The following CACNA1A variants were observed in gnomAD, a reference collection of about 807,000 sequenced individuals.
CACNA1A encodes calcium voltage-gated channel subunit alpha1 A.
CACNA1A carries 57 observed loss-of-function variants against 262.4 expected under a neutral mutation model. The observed-to-expected ratio is 0.22, with a 90% CI of 0.18 to 0.27. The LOEUF is 0.27. Ranked by LOEUF, CACNA1A falls within the 10% of genes least tolerant of loss-of-function variation. The pLI, the probability that CACNA1A is intolerant of heterozygous loss-of-function variation, is 1.00. For synonymous variants in CACNA1A, 1,431 were observed against 1,419.3 expected (o/e 1.01, Z -0.18); for missense variants, 2,526 against 3,562.8 (o/e 0.71, Z 7.41).
intron 1 of CACNA1A, among the ~76,000 whole-genome samples, chr19:13,480,685 A>G (rs1011977864): frequency 1.5e-4 from 23 of 152,192 alleles, no homozygotes; most frequent in African/African-American, 4.8e-4. Flanking sequence ...TTTCTAAAAA[A>G]TAGAGAAAAA....
chr19:13,241,420 C>T lies in CACNA1A; in HGVS notation c.4950+3762G>A. On this transcript the variant is annotated intron_variant, in intron 31 of 46. Coordinates refer to ENST00000360228, the MANE Select transcript of CACNA1A (RefSeq NM_001127222.2). The surrounding 1 kb of genome is among the most constrained non-coding windows in gnomAD (Gnocchi z 4.0). ...GAGGGTTGAGGAGAGCGTCAGGCAT[C>T]CCACGTTGGAGAGGCAGGGTGTGGC... 1.3e-6 allele frequency: 1 copy of T among 792,010 alleles called. No individual in the cohort carries two copies. The highest frequency in any genetic ancestry group is 1.5e-5 in the South Asian group (1 of 68,878). The allele number at this position is 792,010 out of a possible 1,614,324, so 49.1% of individuals were successfully genotyped here. A position where few individuals can be genotyped will look rare whatever the true frequency, so the allele number is the denominator to read the frequency against.
chr19:13,319,681 G>A (rs1219247607), intron 10 of CACNA1A, among the ~76,000 whole-genome samples: 1 of 152,178 alleles, frequency 6.6e-6, no homozygotes, highest in African/African-American at 2.4e-5. Context: ...TTTAAAAACT[G>A]GGAGATTTTC....
intron 10 of CACNA1A, among the ~76,000 whole-genome samples, chr19:13,320,353 C>A (rs2058228664): frequency 6.6e-6 from 1 of 152,162 alleles, no homozygotes; most frequent in South Asian, 2.1e-4. Flanking sequence ...CACCAACCAG[C>A]AGATGACCTT....
Position 13,227,553 on chromosome 19 carries a change from C to A in CACNA1A, c.5529-26G>T, listed in dbSNP as rs57849563. On this transcript the variant is annotated intron_variant, in intron 36 of 46. Coordinates refer to ENST00000360228, the MANE Select transcript of CACNA1A (RefSeq NM_001127222.2). The stretch of plus-strand genomic sequence containing the variant: ...CTGGCAGCACCGAAAATGAAAAAAA[C>A]AAAAACAAAAACAAAAAAACAAAAC... The A allele has an allele frequency of 3.5e-5, 47 of 1,342,526 alleles. No homozygotes were observed. In the East Asian group the frequency reaches 5.9e-4, roughly 17 times the overall value. 83.2% of individuals were successfully genotyped at this position (1,342,526 alleles called of 1,614,324 possible).
chr19:13,234,850 G>A, intron 34 of CACNA1A, 71 bp downstream of exon 34: 1 of 1,030,934 alleles, frequency 9.7e-7, no homozygotes, highest in Non-Finnish European at 1.5e-6. Context: ...CATCCTCTAT[G>A]GGAACAGAAG....
At chr19:13,249,956 G>A (rs1244765300) in intron 30 of CACNA1A, among the ~76,000 whole-genome samples, 1 of 152,150 alleles carries the variant, frequency 6.6e-6, no homozygotes. Context: ...GTGGTCAAGA[G>A]AACAGATGTC....
chr19:13,211,328 C>T (rs1203152866), intron 43 of CACNA1A: 1 of 154,036 alleles, frequency 6.5e-6, no homozygotes, highest in Non-Finnish European at 1.4e-5. Flanking sequence ...GCATGGGCCC[C>T]CGCTGTTCAG....
intron 19 of CACNA1A, among the ~76,000 whole-genome samples, chr19:13,289,225 G>A (rs1028384888): frequency 4.8e-5 from 7 of 146,734 alleles, no homozygotes; most frequent in African/African-American, 1.5e-4. Flanking sequence ...CACTGTAATC[G>A]CCACCTCCCA....
In CACNA1A at chr19:13,214,748, T is replaced by C; in HGVS notation, c.5732-140A>G. 1 of 681,376 alleles carries C rather than the reference T, an allele frequency of 1.5e-6. No individual in the cohort carries two copies. Among genetic ancestry groups the C allele is most frequent in the African/African-American group, 1.8e-5 (1 of 56,270 alleles). The allele number at this position is 681,376 out of a possible 1,614,324, so 42.2% of individuals were successfully genotyped here. A position where few individuals can be genotyped will look rare whatever the true frequency, so the allele number is the denominator to read the frequency against. On this transcript the variant is annotated intron_variant, in intron 38 of 46. Coordinates refer to ENST00000360228, the MANE Select transcript of CACNA1A (RefSeq NM_001127222.2). The surrounding 1 kb of genome is among the most constrained non-coding windows in gnomAD (Gnocchi z 4.1). The stretch of plus-strand genomic sequence containing the variant: ...TGGGGTCTCCAGTTCCCCAACGGCC[T>C]GGCCCAGAGGAGGCCCTGGGCAGTG...
At position 13,299,125 on chromosome 19, in the gene CACNA1A, G is replaced by A. The variant is rs760944008; in HGVS notation, c.2508C>T (p.Asn836=). 1 of 1,613,100 alleles carries A rather than the reference G, an allele frequency of 6.2e-7. No homozygotes were observed. Among genetic ancestry groups the A allele is most frequent in the Non-Finnish European group, 8.5e-7 (1 of 1,179,796 alleles). The change falls in exon 19 of 47, where the codon AAC becomes AAT. Residue 836 remains asparagine (N), a synonymous_variant. Transcript: ENST00000360228. ...CGGTGGGCTCGGCCGCCCGGCTCTT[G>A]TTGGTGTTGTTGTTGCGGTTCTCCT... ...DPQENRNNNT[N]KSRAAEPTVD... is the part of the protein sequence containing the mutation.
chr19:13,243,292 A>T lies in CACNA1A; in HGVS notation c.4950+1890T>A, dbSNP rs142375902. ...GAGGGGAAGGGGAAAATTCTGGCTCACTGGAGCTGAAGGCAAATAAGTGTG... is the reference window on the plus strand; with the variant it reads ...GAGGGGAAGGGGAAAATTCTGGCTCTCTGGAGCTGAAGGCAAATAAGTGTG... On this transcript the variant is annotated intron_variant, in intron 31 of 46. Transcript: ENST00000360228. Among the ~76,000 whole-genome samples, 729 of 152,314 alleles carry T rather than the reference A, an allele frequency of 4.8e-3. 6 individuals are homozygous for T. Among genetic ancestry groups the T allele is most frequent in the African/African-American group, 0.017 (689 of 41,566 alleles).
chr19:13,367,761 G>T (rs1025936656), intron 4 of CACNA1A, among the ~76,000 whole-genome samples: 1 of 151,972 alleles, frequency 6.6e-6, no homozygotes. Flanking sequence ...GTCCCCGAAG[G>T]GACACAGTGG....
chr19:13,443,791 C>G (rs2060765089), intron 3 of CACNA1A, among the ~76,000 whole-genome samples: 1 of 152,092 alleles, frequency 6.6e-6, no homozygotes, highest in South Asian at 2.1e-4. Context: ...CAGTATTATT[C>G]TAGGTTTAGA....
At chr19:13,479,557 A>T (rs1979001017) in intron 1 of CACNA1A, among the ~76,000 whole-genome samples, 1 of 152,240 alleles carries the variant, frequency 6.6e-6, no homozygotes, top group South Asian at 2.1e-4. Flanking sequence ...AGGCAGAGAA[A>T]ATCAGCAATG....
In CACNA1A at chr19:13,474,238, T is replaced by C. The variant is rs1341842623; in HGVS notation, c.294-19026A>G. Among the ~76,000 whole-genome samples, 3 of 152,160 alleles carry C rather than the reference T, an allele frequency of 2.0e-5. No individual in the cohort carries two copies. The East Asian group carries it at 5.8e-4, about 29-fold the overall frequency. On this transcript the variant is annotated intron_variant, in intron 1 of 46. Coordinates refer to ENST00000360228, the MANE Select transcript of CACNA1A (RefSeq NM_001127222.2). ...CTTCACTGACCCCGACTGAATCTCTTACAACCATGAAGACAGATTTACAGT... is the reference window on the plus strand; with the variant it reads ...CTTCACTGACCCCGACTGAATCTCTCACAACCATGAAGACAGATTTACAGT...
intron 1 of CACNA1A, among the ~76,000 whole-genome samples, chr19:13,488,843 T>C: frequency 6.6e-6 from 1 of 151,994 alleles, no homozygotes; most frequent in East Asian, 1.9e-4. Context: ...GAGATGCTAA[T>C]TCTGTTGGTT....
At position 13,257,478 on chromosome 19, in the gene CACNA1A, T is replaced by A. The variant is rs2056601798; in HGVS notation, c.4462A>T (p.Ile1488Phe). The A allele has an allele frequency of 6.2e-7, 1 of 1,612,750 alleles. No homozygotes were observed. Among genetic ancestry groups the A allele is most frequent in the African/African-American group, 1.3e-5 (1 of 74,810 alleles). Residue 1488 changes from isoleucine (I) to phenylalanine (F), a missense_variant, in exon 28 of 47, where the codon ATT becomes TTT. Physicochemically the swap from Ile to Phe is conservative, Grantham distance 21 (BLOSUM62 0). Around this residue, in one of 17 missense-constraint regions of CACNA1A, gnomAD observed 137 missense variants for 377.7 expected, o/e 0.36. Transcript: ENST00000360228. ...PSPGYRMEMS[I>F]FYVVYFVVFP... is the part of the protein sequence containing the mutation. ...ACCACAAAGTAGACGACGTAGAAAA[T>A]GGACATCTCCATGCGGTACCCGGGG...
chr19:13,446,247 C>G (rs1243015783), intron 3 of CACNA1A, among the ~76,000 whole-genome samples: 4 of 125,692 alleles, frequency 3.2e-5, no homozygotes, highest in Non-Finnish European at 6.2e-5. Flanking sequence ...TGCACTCTGT[C>G]CCGAAAAAAA....
In CACNA1A at chr19:13,318,890, CTTTTTTTT is replaced by C. The variant is rs751530649; in HGVS notation, c.1346-1577_1346-1570del. ...ATTGAATTTACCTTCTAAAATACATCTTTTTTTTTTTTTTTTGAGACAGGATCTTGCTT... is the reference window on the plus strand; with the variant it reads ...ATTGAATTTACCTTCTAAAATACATCTTTTTTTTGAGACAGGATCTTGCTT... On this transcript the variant is annotated intron_variant, in intron 10 of 46. Coordinates refer to ENST00000360228, the MANE Select transcript of CACNA1A (RefSeq NM_001127222.2). 1.7e-4 allele frequency among the ~76,000 whole-genome samples: 19 copies of C among 114,682 alleles called. 1 individual carries two copies. Among genetic ancestry groups the C allele is most frequent in the Non-Finnish European group, 1.0e-4 (6 of 57,574 alleles). The allele number at this position is 114,682 out of a possible 152,430, so 75.2% of individuals were successfully genotyped here. A position where few individuals can be genotyped will look rare whatever the true frequency, so the allele number is the denominator to read the frequency against.
Sources: allele counts gnomAD v4.1 joint callset (sites outside exome capture counted in the v4.1 genomes callset), GRCh38; gene constraint gnomAD v4.1.1; regional missense constraint gnomAD v4.1.1; non-coding constraint Gnocchi (gnomAD v3.1); transcripts MANE v1.5; gene names NCBI Gene and HGNC (gene_info 2026-07-23, HGNC 2026-07-21).